The following PPIL3 variants were observed in gnomAD, a reference collection of about 807,000 sequenced individuals.
The protein encoded by PPIL3 is peptidylprolyl isomerase like 3.
PPIL3 carries 13 observed loss-of-function variants against 20.9 expected under a neutral mutation model. The observed-to-expected ratio is 0.62, with a 90% CI of 0.40 to 0.99. The LOEUF is 0.99. Ranked by LOEUF, PPIL3 falls within the 50% of genes least tolerant of loss-of-function variation. PPIL3 has a pLI of 0.00. For synonymous variants in PPIL3, 71 were observed against 64.4 expected, an observed-to-expected ratio of 1.10 and a Z score of -0.49; for missense variants, 170 against 195.2, an observed-to-expected ratio of 0.87 and a Z score of 0.77.
intron 3 of PPIL3, among the ~76,000 whole-genome samples, chr2:200,884,683 T>A (rs994992520): frequency 6.6e-6 from 1 of 151,464 alleles, no homozygotes; most frequent in African/African-American, 2.4e-5. Flanking sequence ...GAGGCTGCAA[T>A]GAGCCGTGAT....
chr2:200,874,070 T>C (rs1359757073), intron 6 of PPIL3, among the ~76,000 whole-genome samples: 1 of 151,448 alleles, frequency 6.6e-6, no homozygotes. Flanking sequence ...CCGGGCGCGG[T>C]GGCGGGCGCC....
intron 2 of PPIL3, among the ~76,000 whole-genome samples, chr2:200,887,195 C>A (rs2039965201): frequency 6.6e-6 from 1 of 151,538 alleles, no homozygotes; most frequent in Non-Finnish European, 1.5e-5. Flanking sequence ...GACCAGTCTG[C>A]CCAAAATGGC....
At chr2:200,880,661 C>G (rs1312285962) in intron 5 of PPIL3, among the ~76,000 whole-genome samples, 1 of 152,216 alleles carries the variant, frequency 6.6e-6, no homozygotes, top group South Asian at 2.1e-4. Flanking sequence ...GCTGGGATTA[C>G]TGTACCCGGC....
intron 5 of PPIL3, among the ~76,000 whole-genome samples, chr2:200,881,182 T>G (rs1486127265): frequency 2.0e-5 from 3 of 152,300 alleles, no homozygotes; most frequent in Admixed American, 6.5e-5. Context: ...TCAGGTTAGA[T>G]TCAAAGATGA....
At chr2:200,874,177 C>T (rs541242900) in intron 6 of PPIL3, among the ~76,000 whole-genome samples, 5 of 148,156 alleles carry the variant, frequency 3.4e-5, no homozygotes, top group African/African-American at 1.3e-4. Flanking sequence ...TGCATTCCAG[C>T]CTGGGCGACA....
chr2:200,882,495 C>A (rs560825621), intron 3 of PPIL3, 60 bp from the exon 4 acceptor site: 10 of 1,026,524 alleles, frequency 9.7e-6, no homozygotes, highest in African/African-American at 9.5e-5. Flanking sequence ...AGACAAAAAA[C>A]CAATCATATT....
chr2:200,882,136 C>A (rs2039755196), intron 4 of PPIL3, among the ~76,000 whole-genome samples: 1 of 152,172 alleles, frequency 6.6e-6, no homozygotes, highest in African/African-American at 2.4e-5. Context: ...GGCTTAAAAC[C>A]TAGAGGACAG....
intron 6 of PPIL3, among the ~76,000 whole-genome samples, chr2:200,873,110 C>T (rs116537823): frequency 0.015 from 2,233 of 152,036 alleles, 23 homozygotes; most frequent in Non-Finnish European, 0.024. Flanking sequence ...TCAGGTGATC[C>T]GCCCGCCTTG....
intron 6 of PPIL3, among the ~76,000 whole-genome samples, chr2:200,873,689 A>T (rs2039397942): frequency 6.8e-6 from 1 of 146,560 alleles, no homozygotes; most frequent in Non-Finnish European, 1.5e-5. Flanking sequence ...GTGGCTTTTG[A>T]TCTCTTGACC....
At position 200,887,695 on chromosome 2, in the gene PPIL3, A is replaced by G. The variant is rs2039998676; in HGVS notation, c.-70-10T>C. 2.6e-6 allele frequency: 3 copies of G among 1,143,026 alleles called. No homozygotes were observed. Among genetic ancestry groups the G allele is most frequent in the Non-Finnish European group, 3.8e-6 (3 of 793,654 alleles). The allele number at this position is 1,143,026 out of a possible 1,614,324, so 70.8% of individuals were successfully genotyped here. On this transcript the variant is annotated splice_polypyrimidine_tract_variant and intron_variant, in intron 1 of 6. Coordinates refer to ENST00000392283, the MANE Select transcript of PPIL3 (RefSeq NM_130906.3). The stretch of plus-strand genomic sequence containing the variant: ...GCTCAAAAATAAGTCTCTAGTCCCA[A>G]AAGAAAAAAAGAATTAGGCTCATTT...
chr2:200,881,880 G>A, intron 4 of PPIL3: 1 of 226,264 alleles, frequency 4.4e-6, no homozygotes, highest in Non-Finnish European at 8.6e-6. Flanking sequence ...ATTGCACCAT[G>A]TAATACTATG....
chr2:200,872,701 A>G (rs1234530007), intron 6 of PPIL3, among the ~76,000 whole-genome samples: 1 of 152,144 alleles, frequency 6.6e-6, no homozygotes, highest in Non-Finnish European at 1.5e-5. Flanking sequence ...TTTTTAAAAG[A>G]ACTATGCTGG....
intron 6 of PPIL3, among the ~76,000 whole-genome samples, chr2:200,874,021 T>TCC (rs2039415953): frequency 6.6e-6 from 1 of 150,444 alleles, no homozygotes; most frequent in Non-Finnish European, 1.5e-5. Flanking sequence ...CTGGCTAACA[T>TCC]GGTGAAACCC....
intron 1 of PPIL3, among the ~76,000 whole-genome samples, chr2:200,888,054 CA>C (rs59288201): frequency 0.18 from 18,228 of 102,964 alleles, 1,263 homozygotes; most frequent in Non-Finnish European, 0.2. Context: ...GAGACTCCGT[CA>C]AAAAAAAAAA....
chr2:200,871,319 A>T lies in PPIL3; in HGVS notation c.*76T>A. The T allele has an allele frequency of 7.0e-7, 1 of 1,428,854 alleles. No individual in the cohort carries two copies. The highest frequency in any genetic ancestry group is 9.6e-7 in the Non-Finnish European group (1 of 1,045,176). 88.5% of individuals were successfully genotyped at this position (1,428,854 alleles called of 1,614,324 possible). A position where few individuals can be genotyped will look rare whatever the true frequency, so the allele number is the denominator to read the frequency against. ...AAGCAGAAGGATGATGCAATCTCTG[A>T]CATAATTAAAACCGGGTAAACCACA... On this transcript the variant is annotated 3_prime_UTR_variant, in exon 7 of 7. Transcript: ENST00000392283.
At chr2:200,889,173 C>G (rs374254348), upstream of PPIL3, 2 of 395,004 alleles carry the variant, frequency 5.1e-6, no homozygotes, top group African/African-American at 4.2e-5. Context: ...TTATCCCCAA[C>G]CGGAAATTTG....
chr2:200,877,963 CTA>C (rs2039583916), intron 5 of PPIL3, among the ~76,000 whole-genome samples: 1 of 152,136 alleles, frequency 6.6e-6, no homozygotes, highest in Admixed American at 6.5e-5. Flanking sequence ...TAACTGTGAA[CTA>C]TGTTACAGGG....
chr2:200,888,811 G>A, intron 1 of PPIL3, 145 bp downstream of exon 1: 1 of 410,860 alleles, frequency 2.4e-6, no homozygotes, highest in Non-Finnish European at 5.1e-6. Context: ...CGCCGTGCAG[G>A]GTCCTTCTTT....
chr2:200,879,212 G>A (rs543070019), intron 5 of PPIL3, among the ~76,000 whole-genome samples: 7 of 151,864 alleles, frequency 4.6e-5, no homozygotes, highest in Admixed American at 6.6e-5. Context: ...ACTGCCTCCC[G>A]GGTTCAGGCC....
Sources: allele counts gnomAD v4.1 joint callset (sites outside exome capture counted in the v4.1 genomes callset), GRCh38; gene constraint gnomAD v4.1.1; transcripts MANE v1.5; gene names NCBI Gene and HGNC (gene_info 2026-07-23, HGNC 2026-07-21).